WWOX: variants seen among roughly 807,000 people sequenced by gnomAD.
WWOX encodes WW domain-containing oxidoreductase.
Under a neutral mutation model 46.2 loss-of-function variants are expected in WWOX, and 69 were observed. The observed-to-expected ratio is 1.49, with a 90% CI of 1.23 to 1.82. WWOX has a LOEUF of 1.82. WWOX is among the 40% of genes most tolerant of loss of function. The pLI, the probability that WWOX is intolerant of heterozygous loss-of-function variation, is 0.00. For missense variants in WWOX, 919 were observed against 542.6 expected (o/e 1.69, Z -6.89); for synonymous variants, 359 against 202.6 (o/e 1.77, Z -6.56).
chr16:78,252,350 CAAAT>C (rs1311225348), intron 5 of WWOX, among the ~76,000 whole-genome samples: 2 of 152,070 alleles, frequency 1.3e-5, no homozygotes, highest in Non-Finnish European at 2.9e-5. Flanking sequence ...TGTGTGTAAA[CAAAT>C]AACAGAAATG....
chr16:78,994,892 A>G (rs2046956456), intron 8 of WWOX, among the ~76,000 whole-genome samples: 1 of 150,652 alleles, frequency 6.6e-6, no homozygotes, highest in African/African-American at 2.4e-5. Context: ...GTGGAAAGAA[A>G]TACTCCCTTC....
chr16:78,904,865 C>G (rs1347931646), intron 8 of WWOX, among the ~76,000 whole-genome samples: 1 of 152,012 alleles, frequency 6.6e-6, no homozygotes, highest in Non-Finnish European at 1.5e-5. Flanking sequence ...ACCATTTTTT[C>G]TCCTTTTAAA....
intron 8 of WWOX, among the ~76,000 whole-genome samples, chr16:79,012,293 T>G (rs1272034339): frequency 6.6e-6 from 1 of 151,968 alleles, no homozygotes; most frequent in East Asian, 1.9e-4. Flanking sequence ...AGTGCAGTGG[T>G]GCAATCTCGA....
At position 78,968,315 on chromosome 16, in the gene WWOX, T is replaced by A. The variant is rs538329110; in HGVS notation, c.1057-243293T>A. On this transcript the variant is annotated intron_variant, in intron 8 of 8. Coordinates refer to ENST00000566780, the MANE Select transcript of WWOX (RefSeq NM_016373.4). ...TACCCGTAGGAATCCAACAGGGAAC[T>A]GTCACCACCGACCCGAGGCAGGAAC... Among the ~76,000 whole-genome samples, 3 of 152,312 alleles carry A rather than the reference T, an allele frequency of 2.0e-5. No individual in the cohort carries two copies. The South Asian group carries it at 6.2e-4, about 32-fold the overall frequency.
At chr16:78,833,521 A>G (rs1341264795) in intron 8 of WWOX, among the ~76,000 whole-genome samples, 1 of 152,044 alleles carries the variant, frequency 6.6e-6, no homozygotes, top group Admixed American at 6.5e-5. Context: ...AATACCTACA[A>G]CGTGCAGTGA....
intron 5 of WWOX, among the ~76,000 whole-genome samples, chr16:78,276,662 G>T (rs1327076727): frequency 6.6e-6 from 1 of 152,200 alleles, no homozygotes; most frequent in Non-Finnish European, 1.5e-5. Context: ...AGTGTTTGTA[G>T]CTGTGATCTC....
intron 8 of WWOX, among the ~76,000 whole-genome samples, chr16:78,640,751 C>T (rs2046687396): frequency 1.3e-5 from 2 of 151,966 alleles, no homozygotes; most frequent in South Asian, 4.2e-4. Flanking sequence ...CCAGCCTGGG[C>T]AACACGGTGA....
At chr16:78,791,620 G>A (rs1013939362) in intron 8 of WWOX, among the ~76,000 whole-genome samples, 1 of 152,074 alleles carries the variant, frequency 6.6e-6, no homozygotes, top group African/African-American at 2.4e-5. Flanking sequence ...GCTCATACCT[G>A]TAATCCCAGC....
At chr16:78,431,481 C>G (rs766858788) in intron 7 of WWOX, among the ~76,000 whole-genome samples, 1 of 152,120 alleles carries the variant, frequency 6.6e-6, no homozygotes, top group Non-Finnish European at 1.5e-5. Flanking sequence ...CAGGAAAGCC[C>G]TGTCAAAGGT....
chr16:78,304,623 C>T (rs1003727399), intron 5 of WWOX, among the ~76,000 whole-genome samples: 3 of 152,278 alleles, frequency 2.0e-5, no homozygotes, highest in Admixed American at 1.3e-4. Flanking sequence ...TGCTGCTTCA[C>T]GATAATCCAT....
At chr16:78,642,839 T>C (rs538411147) in intron 8 of WWOX, among the ~76,000 whole-genome samples, 1 of 152,304 alleles carries the variant, frequency 6.6e-6, no homozygotes, top group South Asian at 2.1e-4. Flanking sequence ...TCTTTAGGAT[T>C]AGGCAATACT....
intron 8 of WWOX, among the ~76,000 whole-genome samples, chr16:78,918,686 T>A (rs1446863643): frequency 6.6e-6 from 1 of 152,218 alleles, no homozygotes; most frequent in African/African-American, 2.4e-5. Context: ...AAGCACTGCA[T>A]CCATTATCTT....
intron 5 of WWOX, among the ~76,000 whole-genome samples, chr16:78,299,203 G>A (rs1200310736): frequency 1.3e-5 from 2 of 152,186 alleles, no homozygotes; most frequent in Non-Finnish European, 2.9e-5. Flanking sequence ...CTAGCGTGAA[G>A]TGGAGGCTAT....
chr16:78,870,360 A>G (rs1469888380), intron 8 of WWOX, among the ~76,000 whole-genome samples: 1 of 152,148 alleles, frequency 6.6e-6, no homozygotes, highest in East Asian at 1.9e-4. Flanking sequence ...CACAAGGTCC[A>G]TTAAAGGACA....
intron 6 of WWOX, among the ~76,000 whole-genome samples, chr16:78,417,881 T>A (rs544964718): frequency 6.6e-6 from 1 of 152,294 alleles, no homozygotes; most frequent in Non-Finnish European, 1.5e-5. Flanking sequence ...AACCACACCA[T>A]GACTTTTCAG....
chr16:78,359,564 T>C (rs2081365809), intron 5 of WWOX, among the ~76,000 whole-genome samples: 1 of 152,198 alleles, frequency 6.6e-6, no homozygotes, highest in Non-Finnish European at 1.5e-5. Flanking sequence ...AGTTAGAATA[T>C]GAGTTTTTCA....
intron 8 of WWOX, among the ~76,000 whole-genome samples, chr16:78,880,386 C>G (rs913723833): frequency 1.3e-5 from 2 of 152,184 alleles, no homozygotes; most frequent in African/African-American, 4.8e-5. Flanking sequence ...TGTAATGAAG[C>G]CCTCCGGGAA....
chr16:78,277,649 G>T (rs983909858), intron 5 of WWOX, among the ~76,000 whole-genome samples: 1 of 152,184 alleles, frequency 6.6e-6, no homozygotes, highest in Admixed American at 6.5e-5. Context: ...AAAGACAGGC[G>T]CTGCTCTCTG....
intron 8 of WWOX, chr16:78,896,217 C>T (rs1386255197): frequency 2.0e-5 from 3 of 150,690 alleles, no homozygotes; most frequent in Non-Finnish European, 3.0e-5. Flanking sequence ...ATGCACTTAC[C>T]CATTTGAAAA....
Sources: allele counts gnomAD v4.1 joint callset (sites outside exome capture counted in the v4.1 genomes callset), GRCh38; gene constraint gnomAD v4.1.1; transcripts MANE v1.5; gene names NCBI Gene and HGNC (gene_info 2026-07-23, HGNC 2026-07-21).